The following PACSIN2 variants were observed in gnomAD, a reference collection of about 807,000 sequenced individuals.
PACSIN2 encodes protein kinase C and casein kinase substrate in neurons protein 2.
In PACSIN2, 25 loss-of-function variants were observed where a neutral mutation model predicts 63.8. The ratio of observed to expected loss-of-function variants is 0.39; its 90% CI spans 0.29 to 0.55. The LOEUF (loss-of-function observed/expected upper bound fraction) is 0.55. PACSIN2 is among the 20% of genes least tolerant of loss of function. The probability of loss-of-function intolerance (pLI) is 0.62; values close to 1 mark genes in which losing one functional copy is unlikely to be tolerated. For synonymous variants in PACSIN2, 255 were observed against 256.2 expected, an observed-to-expected ratio of 1.00 and a Z score of 0.05; for missense variants, 518 against 646.9, an observed-to-expected ratio of 0.80 and a Z score of 2.16.
intron 1 of PACSIN2, among the ~76,000 whole-genome samples, chr22:42,931,822 A>G (rs985211604): frequency 6.6e-6 from 1 of 152,212 alleles, no homozygotes; most frequent in Non-Finnish European, 1.5e-5. Context: ...CCTCTCTTCC[A>G]AAACAGCCCA....
chr22:43,014,323 C>G (rs1569383229), intron 1 of PACSIN2, among the ~76,000 whole-genome samples: 1 of 136,932 alleles, frequency 7.3e-6, no homozygotes, highest in Non-Finnish European at 1.6e-5. Context: ...CCCCGCCCTA[C>G]ACACACACAC....
chr22:42,941,704 G>A lies in PACSIN2; in HGVS notation c.-77-29547C>T, dbSNP rs538188491. ...TGTATACTATCTTTGAAGAAACGTCGGTTTAGATCCTTTGCTCATTTTTTA... is the reference window on the plus strand; with the variant it reads ...TGTATACTATCTTTGAAGAAACGTCAGTTTAGATCCTTTGCTCATTTTTTA... On this transcript the variant is annotated intron_variant, in intron 1 of 10. Coordinates refer to ENST00000263246, the MANE Select transcript of PACSIN2 (RefSeq NM_001184970.3). Among the ~76,000 whole-genome samples, 8 of 152,228 alleles carry A rather than the reference G, an allele frequency of 5.3e-5. 1 individual carries two copies. The East Asian group carries it at 5.8e-4, about 11-fold the overall frequency.
At chr22:42,915,497 G>A (rs1242581025) in intron 1 of PACSIN2, among the ~76,000 whole-genome samples, 1 of 152,120 alleles carries the variant, frequency 6.6e-6, no homozygotes, top group Non-Finnish European at 1.5e-5. Flanking sequence ...CAGGTGCAAT[G>A]AGGGACAAGC....
At chr22:42,927,904 C>T (rs1425567473) in intron 1 of PACSIN2, among the ~76,000 whole-genome samples, 1 of 152,116 alleles carries the variant, frequency 6.6e-6, no homozygotes, top group Non-Finnish European at 1.5e-5. Context: ...TTTTTAATGG[C>T]TGTAAAACGT....
chr22:42,987,494 C>CACACACA lies in PACSIN2; in HGVS notation c.-78+27526_-78+27527insTGTGTGT, dbSNP rs769969045. ...CACACACACACACACACACACACAC[C>CACACACA]CATGGCACCATGTTCAGAAGACGGG... On this transcript the variant is annotated intron_variant, in intron 1 of 10. Transcript: ENST00000263246. Among the ~76,000 whole-genome samples, 381 of 68,020 alleles carry CACACACA rather than the reference C, an allele frequency of 5.6e-3. 8 individuals carry two copies. The highest frequency in any genetic ancestry group is 0.021 in the East Asian group (64 of 3,084). 44.6% of individuals were successfully genotyped at this position (68,020 alleles called of 152,430 possible).
In PACSIN2 at chr22:42,912,102, A is replaced by T; in HGVS notation, c.-22T>A. On this transcript the variant is annotated 5_prime_UTR_variant, in exon 2 of 11. Transcript: ENST00000263246. ...ACATTTTTTCAAAGGCTGAGGGAGC[A>T]GCAAAGTATACTTAGTCAGGGGTCA... 2 of 1,573,554 alleles carry T rather than the reference A, an allele frequency of 1.3e-6. No homozygotes were observed. Among genetic ancestry groups the T allele is most frequent in the Non-Finnish European group, 1.7e-6 (2 of 1,159,344 alleles).
chr22:42,893,976 A>G (rs1004394598), intron 2 of PACSIN2, among the ~76,000 whole-genome samples: 3 of 152,142 alleles, frequency 2.0e-5, no homozygotes, highest in African/African-American at 7.2e-5. Context: ...TTCCTGGAGT[A>G]GGTGACATCT....
rs150572740 is a variant in PACSIN2, at chr22:42,913,291, C to T, written c.-77-1134G>A. Among the ~76,000 whole-genome samples the T allele has an allele frequency of 4.9e-3, 739 of 152,256 alleles. 1 individual carries two copies. The highest frequency in any genetic ancestry group is 0.016 in the African/African-American group (646 of 41,552). On this transcript the variant is annotated intron_variant, in intron 1 of 10. Coordinates refer to ENST00000263246, the MANE Select transcript of PACSIN2 (RefSeq NM_001184970.3). Reference sequence around the variant, plus strand: ...GGTCAGGAGTTCAAGACCAGCCTGACCAAGACGGAGAAACCCCGTCTCTAC... The same window carrying T: ...GGTCAGGAGTTCAAGACCAGCCTGATCAAGACGGAGAAACCCCGTCTCTAC...
chr22:42,930,197 C>T (rs1246254601), intron 1 of PACSIN2, among the ~76,000 whole-genome samples: 2 of 152,206 alleles, frequency 1.3e-5, no homozygotes, highest in Admixed American at 6.5e-5. Context: ...CCAGCCATGC[C>T]ACCTCTGGAC....
chr22:42,975,836 TA>T (rs1921666200), intron 1 of PACSIN2, among the ~76,000 whole-genome samples: 1 of 152,166 alleles, frequency 6.6e-6, no homozygotes, highest in South Asian at 2.1e-4. Flanking sequence ...CCTCTTATTT[TA>T]CATGAATTTT....
At chr22:42,939,950 C>T (rs749125167) in intron 1 of PACSIN2, among the ~76,000 whole-genome samples, 32 of 152,192 alleles carry the variant, frequency 2.1e-4, no homozygotes, top group Non-Finnish European at 4.1e-4. Flanking sequence ...TGGCAATCGG[C>T]GTCTACCCGG....
intron 1 of PACSIN2, among the ~76,000 whole-genome samples, chr22:42,941,888 T>C (rs952962752): frequency 2.6e-5 from 4 of 152,190 alleles, no homozygotes; most frequent in African/African-American, 9.7e-5. Context: ...GCGATTCTCC[T>C]GCCTCAGCCT....
intron 1 of PACSIN2, among the ~76,000 whole-genome samples, chr22:42,985,737 G>C (rs1209431789): frequency 1.3e-5 from 2 of 152,294 alleles, no homozygotes; most frequent in East Asian, 3.9e-4. Context: ...ATTATATTCA[G>C]AGGGAGGGCT....
chr22:42,903,884 C>G (rs1930876878), intron 2 of PACSIN2, among the ~76,000 whole-genome samples: 1 of 152,128 alleles, frequency 6.6e-6, no homozygotes, highest in Non-Finnish European at 1.5e-5. Context: ...ATCCTCTGTT[C>G]CTGAAACCTG....
At chr22:42,960,711 A>C (rs1252652597) in intron 1 of PACSIN2, among the ~76,000 whole-genome samples, 1 of 152,178 alleles carries the variant, frequency 6.6e-6, no homozygotes, top group Non-Finnish European at 1.5e-5. Flanking sequence ...GAAGAGAAAG[A>C]GGAGGCAGGC....
chr22:42,940,714 T>C (rs1254182681), intron 1 of PACSIN2, among the ~76,000 whole-genome samples: 1 of 152,194 alleles, frequency 6.6e-6, no homozygotes, highest in East Asian at 1.9e-4. Context: ...GGACTTTGTG[T>C]TTAATCCCGG....
intron 1 of PACSIN2, among the ~76,000 whole-genome samples, chr22:42,951,780 T>C (rs1260694203): frequency 1.3e-5 from 2 of 152,234 alleles, no homozygotes; most frequent in Non-Finnish European, 2.9e-5. Context: ...TCACAGTTAT[T>C]GATACTCCCC....
intron 1 of PACSIN2, among the ~76,000 whole-genome samples, chr22:42,990,210 AGGGCAGCCCT>A (rs1922952146): frequency 1.3e-5 from 2 of 152,046 alleles, no homozygotes; most frequent in South Asian, 4.2e-4. Context: ...TTTCCACATG[AGGGCAGCCCT>A]GGGCACTTGC....
At chr22:42,967,663 C>A (rs559768565) in intron 1 of PACSIN2, among the ~76,000 whole-genome samples, 3 of 152,122 alleles carry the variant, frequency 2.0e-5, no homozygotes, top group African/African-American at 7.2e-5. Flanking sequence ...CCGAGGCGGG[C>A]GGATCACGAG....
Sources: gnomAD v4.1 joint callset for allele counts (sites outside exome capture counted in the v4.1 genomes callset) on GRCh38, gnomAD v4.1.1 for gene constraint, MANE v1.5 for transcripts, NCBI Gene and HGNC (gene_info 2026-07-23, HGNC 2026-07-21) for gene names.